The following CIROZ variants were observed in gnomAD, a reference collection of about 807,000 sequenced individuals.
The protein encoded by CIROZ is ciliated left-right organizer ZP-N domains-containing protein.
the CIROZ span, among the ~76,000 whole-genome samples, chr1:10,980,758 T>C: frequency 4.6e-5 from 7 of 152,160 alleles, no homozygotes; most frequent in African/African-American, 7.2e-5. Context: ...GAGAAAGATG[T>C]GGGTTTGGGT....
chr1:10,964,911 G>A, the CIROZ span, among the ~76,000 whole-genome samples: 14 of 152,180 alleles, frequency 9.2e-5, no homozygotes, highest in Non-Finnish European at 1.9e-4. Flanking sequence ...GATTACAGGC[G>A]TGAGCCACCA....
the CIROZ span, chr1:10,948,770 T>C: frequency 9.8e-6 from 15 of 1,525,560 alleles, no homozygotes; most frequent in African/African-American, 2.1e-4. Context: ...CTTGCACCAC[T>C]CTGGGGAGAA....
chr1:10,957,988 G>A, the CIROZ span, among the ~76,000 whole-genome samples: 2 of 152,198 alleles, frequency 1.3e-5, no homozygotes, highest in African/African-American at 2.4e-5. Flanking sequence ...CACAGTAGGT[G>A]TACAACGCAA....
chr1:10,967,743 G>C, the CIROZ span, among the ~76,000 whole-genome samples: 1 of 152,106 alleles, frequency 6.6e-6, no homozygotes, highest in Non-Finnish European at 1.5e-5. Context: ...AGGCCGAGGC[G>C]AGTGGATCAC....
chr1:10,967,155 GAAAA>G, the CIROZ span, among the ~76,000 whole-genome samples: 1,911 of 116,288 alleles, frequency 0.016, 40 homozygotes, highest in African/African-American at 0.049. Flanking sequence ...TCCAAAAAAA[GAAAA>G]AAAAAAAAAA....
At chr1:10,972,915 C>T in the CIROZ span, among the ~76,000 whole-genome samples, 4 of 83,738 alleles carry the variant, frequency 4.8e-5, no homozygotes, top group African/African-American at 1.1e-4. Flanking sequence ...AGCGAGATGC[C>T]CCCCCCATCT....
At chr1:10,963,774 A>AT in the CIROZ span, among the ~76,000 whole-genome samples, 3 of 151,940 alleles carry the variant, frequency 2.0e-5, no homozygotes, top group Non-Finnish European at 1.5e-5. Context: ...AATTTAGCAA[A>AT]TTTTTTCAAT....
the CIROZ span, among the ~76,000 whole-genome samples, chr1:10,964,889 C>T: frequency 0.021 from 3,187 of 152,272 alleles, 123 homozygotes; most frequent in African/African-American, 0.073. Context: ...TCTTGGCCTC[C>T]CAAAGTGCTG....
chr1:10,974,325 C>G, the CIROZ span, among the ~76,000 whole-genome samples: 1 of 151,594 alleles, frequency 6.6e-6, no homozygotes, highest in Non-Finnish European at 1.5e-5. The surrounding 1 kb of genome is among the most constrained non-coding windows in gnomAD (Gnocchi z 4.4). Context: ...CACAGGAAGA[C>G]GAGCGCAGAG....
chr1:10,956,007 A>G, the CIROZ span, among the ~76,000 whole-genome samples: 4 of 152,332 alleles, frequency 2.6e-5, no homozygotes, highest in Non-Finnish European at 5.9e-5. Flanking sequence ...CACTGTGAAC[A>G]GGGAAAGAGA....
chr1:10,957,579 C>T, the CIROZ span: 1 of 1,610,300 alleles, frequency 6.2e-7, no homozygotes, highest in Non-Finnish European at 8.5e-7. Context: ...CCCAGAGGCC[C>T]CTCACCTCCT....
chr1:10,970,079 A>C, the CIROZ span: 1 of 1,503,610 alleles, frequency 6.7e-7, no homozygotes, highest in Non-Finnish European at 8.9e-7. Context: ...CTGTCCAACA[A>C]GAAGATGCTT....
At chr1:10,967,813 A>C in the CIROZ span, among the ~76,000 whole-genome samples, 1 of 152,032 alleles carries the variant, frequency 6.6e-6, no homozygotes, top group African/African-American at 2.4e-5. Flanking sequence ...CTCTACTAAA[A>C]ATACAAAAAA....
At chr1:10,960,412 A>G in the CIROZ span, among the ~76,000 whole-genome samples, 1 of 152,002 alleles carries the variant, frequency 6.6e-6, no homozygotes, top group African/African-American at 2.4e-5. The surrounding 1 kb of genome is among the most constrained non-coding windows in gnomAD (Gnocchi z 4.6). Context: ...TCTGTCTCCA[A>G]GAAAAAAAAA....
the CIROZ span, chr1:10,948,174 C>A: frequency 6.2e-7 from 1 of 1,613,772 alleles, no homozygotes; most frequent in Non-Finnish European, 8.5e-7. Context: ...GAGTCCCGGC[C>A]CCTCTATGTC....
the CIROZ span, among the ~76,000 whole-genome samples, chr1:10,951,380 C>G: frequency 6.6e-6 from 1 of 152,038 alleles, no homozygotes; most frequent in Non-Finnish European, 1.5e-5. Context: ...GCCTGATCAA[C>G]ATGGTGAAAC....
At chr1:10,952,235 G>C in the CIROZ span, among the ~76,000 whole-genome samples, 2 of 152,176 alleles carry the variant, frequency 1.3e-5, no homozygotes, top group Admixed American at 6.5e-5. Context: ...AGGTGCAGGG[G>C]AGGTGTGCTG....
chr1:10,967,346 G>T, the CIROZ span, among the ~76,000 whole-genome samples: 2 of 151,802 alleles, frequency 1.3e-5, no homozygotes, highest in Non-Finnish European at 2.9e-5. Context: ...CCTTGCACTG[G>T]CTGTGCCCTC....
At chr1:10,948,498 G>C in the CIROZ span, 3 of 1,614,166 alleles carry the variant, frequency 1.9e-6, no homozygotes, top group Non-Finnish European at 2.5e-6. Flanking sequence ...AGGCCTCACA[G>C]TTCCTAGACC....
Sources: allele counts gnomAD v4.1 joint callset (sites outside exome capture counted in the v4.1 genomes callset), GRCh38; gene constraint gnomAD v4.1.1; non-coding constraint Gnocchi (gnomAD v3.1); transcripts MANE v1.5; gene names NCBI Gene and HGNC (gene_info 2026-07-23, HGNC 2026-07-21).